The following MMS22L variants were observed in gnomAD, a reference collection of about 807,000 sequenced individuals.
MMS22L encodes protein MMS22-like.
A neutral mutation model predicts 159.1 loss-of-function variants in MMS22L; 74 were observed. The observed-to-expected ratio is 0.47, with a 90% CI of 0.39 to 0.56. The LOEUF (loss-of-function observed/expected upper bound fraction) is 0.56. Ranked by LOEUF, MMS22L falls within the 20% of genes least tolerant of loss-of-function variation. The pLI is 0.00. For synonymous variants in MMS22L, 517 were observed against 506.9 expected (o/e 1.02, Z -0.27); for missense variants, 1,351 against 1,422.1 (o/e 0.95, Z 0.80).
At chr6:97,214,457 A>T (rs913405199) in intron 14 of MMS22L, among the ~76,000 whole-genome samples, 1 of 152,180 alleles carries the variant, frequency 6.6e-6, no homozygotes, top group African/African-American at 2.4e-5. Context: ...TTTTGGTTTT[A>T]AAAAAGTATA....
At chr6:97,272,493 G>T in intron 6 of MMS22L, 1 of 467,078 alleles carries the variant, frequency 2.1e-6, no homozygotes, top group East Asian at 3.3e-5. Flanking sequence ...AATGATTCTG[G>T]TAAGTTGTAA....
intron 14 of MMS22L, among the ~76,000 whole-genome samples, chr6:97,209,799 A>C (rs72934657): frequency 3.2e-4 from 48 of 152,120 alleles, no homozygotes; most frequent in South Asian, 2.5e-3. Flanking sequence ...GATGCTTAAG[A>C]AAAGTCTTTC....
chr6:97,270,999 A>C (rs1815677074), intron 6 of MMS22L: 3 of 152,138 alleles, frequency 2.0e-5, no homozygotes, highest in Middle Eastern at 3.2e-3. Flanking sequence ...AAGTCAGCTT[A>C]CTTGATGAAA....
At chr6:97,155,544 A>G (rs1269669498) in intron 22 of MMS22L, among the ~76,000 whole-genome samples, 1 of 152,002 alleles carries the variant, frequency 6.6e-6, no homozygotes, top group Non-Finnish European at 1.5e-5. Context: ...ACTCCCACTT[A>G]TAAGTGAGAA....
intron 11 of MMS22L, among the ~76,000 whole-genome samples, chr6:97,234,467 G>C (rs926075406): frequency 1.2e-4 from 18 of 152,076 alleles, no homozygotes; most frequent in African/African-American, 4.3e-4. Flanking sequence ...ATAACAGGAG[G>C]AAAAGGAAGT....
chr6:97,216,001 C>T (rs565282356), intron 14 of MMS22L, among the ~76,000 whole-genome samples: 1 of 152,216 alleles, frequency 6.6e-6, no homozygotes, highest in South Asian at 2.1e-4. Flanking sequence ...TTAAGAGTTT[C>T]AAATGCTAGT....
In MMS22L at chr6:97,191,118, C is replaced by G. The variant is rs139722787; in HGVS notation, c.2040-4428G>C. ...TGCTTTGATTTCATGTTTACTTATC[C>G]ATTTTGCCCCCACCTCTCTACTCCC... On this transcript the variant is annotated intron_variant, in intron 14 of 24. Transcript: ENST00000683635. Among the ~76,000 whole-genome samples the G allele has an allele frequency of 4.5e-3, 678 of 152,168 alleles. 4 individuals are homozygous for G. The highest frequency in any genetic ancestry group is 0.015 in the African/African-American group (631 of 41,516).
At position 97,143,819 on chromosome 6, in the gene MMS22L, G is replaced by A. The variant is rs1470635802; in HGVS notation, c.*2987C>T. ...GTTTAGAGATGAATTAGCACTAGGTGGCTCATCACGCCTGTAATCCCAGCA... is the reference window on the plus strand; with the variant it reads ...GTTTAGAGATGAATTAGCACTAGGTAGCTCATCACGCCTGTAATCCCAGCA... On this transcript the variant is annotated 3_prime_UTR_variant, in exon 25 of 25. Coordinates refer to ENST00000683635, the MANE Select transcript of MMS22L (RefSeq NM_001350599.2). 3 of 152,200 alleles carry A rather than the reference G, an allele frequency of 2.0e-5. No homozygotes were observed. The highest frequency in any genetic ancestry group is 3.9e-4 in the East Asian group (2 of 5,186). The allele number at this position is 152,200 out of a possible 1,614,324, so 9.4% of individuals were successfully genotyped here.
At chr6:97,181,810 G>T (rs1367427202) in intron 16 of MMS22L, 94 bp downstream of exon 16, 20 of 1,337,330 alleles carry the variant, frequency 1.5e-5, no homozygotes, top group Non-Finnish European at 2.0e-5. Context: ...ATGTAGTAGA[G>T]ATCAGTCCTC....
At chr6:97,153,706 A>T (rs1206134) in intron 22 of MMS22L, among the ~76,000 whole-genome samples, 84,433 of 151,884 alleles carry the variant, frequency 0.56, 24,561 homozygotes, top group African/African-American at 0.73. Flanking sequence ...GGATATTTCA[A>T]ATAAATGAAA....
intron 14 of MMS22L, among the ~76,000 whole-genome samples, chr6:97,191,545 G>A (rs1009131279): frequency 6.7e-6 from 1 of 149,978 alleles, no homozygotes; most frequent in African/African-American, 2.5e-5. Flanking sequence ...AGCAATAATT[G>A]AATTCTTTTA....
Position 97,179,501 on chromosome 6 carries a change from T to C in MMS22L, c.2443A>G (p.Arg815Gly), listed in dbSNP as rs748253172. 2.7e-5 allele frequency: 43 copies of C among 1,613,460 alleles called. No individual in the cohort carries two copies. The highest frequency in any genetic ancestry group is 3.6e-5 in the Non-Finnish European group (43 of 1,179,670). ...GYVSFQALTV[R>G]SWIRCVLQMY... ...TGCAAAACACAACGAATCCATGATC[T>C]TACGGTTAAGGCTTGAAAAGATACA... is the stretch of plus-strand genomic sequence containing the variant. Residue 815 changes from arginine to glycine, a missense_variant, in exon 17 of 25, where the codon AGA becomes GGA. By Grantham distance (125) the Arg-to-Gly change is moderately radical (BLOSUM62 -2). Coordinates refer to ENST00000683635, the MANE Select transcript of MMS22L (RefSeq NM_001350599.2).
rs117331973 is a variant in MMS22L at position 97,211,442 on chromosome 6, C to T, written c.2039+17452G>A. ...TATAGGCTTTTCAAAGCAAACATAT[C>T]AAAAGATTTCTTCTTCTTGACTTAA... On this transcript the variant is annotated intron_variant, in intron 14 of 24. Transcript: ENST00000683635. Among the ~76,000 whole-genome samples, 633 of 152,132 alleles carry T rather than the reference C, an allele frequency of 4.2e-3. 5 individuals are homozygous for T. Among genetic ancestry groups the T allele is most frequent in the Non-Finnish European group, 7.4e-3 (505 of 67,910 alleles).
At chr6:97,196,538 C>A (rs188594864) in intron 14 of MMS22L, among the ~76,000 whole-genome samples, 1 of 152,098 alleles carries the variant, frequency 6.6e-6, no homozygotes, top group African/African-American at 2.4e-5. Flanking sequence ...TGATAAGGAA[C>A]AGGTCATAGA....
At chr6:97,238,505 G>C (rs1236660922) in intron 11 of MMS22L, among the ~76,000 whole-genome samples, 2 of 151,566 alleles carry the variant, frequency 1.3e-5, no homozygotes, top group Non-Finnish European at 2.9e-5. Context: ...AACCTGACTG[G>C]CTCAAGGAGT....
At chr6:97,255,420 G>A (rs1813694690) in intron 9 of MMS22L, among the ~76,000 whole-genome samples, 1 of 151,952 alleles carries the variant, frequency 6.6e-6, no homozygotes, top group Non-Finnish European at 1.5e-5. Context: ...CCAATTTTAG[G>A]TATCAATTTG....
rs1041852669 is a variant in MMS22L, at chr6:97,180,096, G to GT, written c.2385-538dup. On this transcript the variant is annotated intron_variant, in intron 16 of 24. Coordinates refer to ENST00000683635, the MANE Select transcript of MMS22L (RefSeq NM_001350599.2). ...GAAGACAATGGGCTGGCTAAACTTGGTTTTTTTTTTCTCTTTTTTTTTTGA... is the reference window on the plus strand; with the variant it reads ...GAAGACAATGGGCTGGCTAAACTTGGTTTTTTTTTTTCTCTTTTTTTTTTGA... Among the ~76,000 whole-genome samples the GT allele has an allele frequency of 2.3e-3, 345 of 148,944 alleles. 1 individual carries two copies. The highest frequency in any genetic ancestry group is 2.2e-3 in the Non-Finnish European group (144 of 66,884).
At chr6:97,164,502 G>A (rs1460276306) in intron 21 of MMS22L, among the ~76,000 whole-genome samples, 1 of 149,886 alleles carries the variant, frequency 6.7e-6, no homozygotes, top group South Asian at 2.1e-4. Flanking sequence ...AAGAAGTTTT[G>A]TTTTTCATTT....
At chr6:97,164,056 T>C (rs1022014164) in intron 21 of MMS22L, among the ~76,000 whole-genome samples, 3 of 151,862 alleles carry the variant, frequency 2.0e-5, no homozygotes, top group African/African-American at 4.8e-5. Context: ...CTGGGGGCAT[T>C]GTTTAGGGTG....
Sources: allele counts gnomAD v4.1 joint callset (sites outside exome capture counted in the v4.1 genomes callset), GRCh38; gene constraint gnomAD v4.1.1; transcripts MANE v1.5; gene names NCBI Gene and HGNC (gene_info 2026-07-23, HGNC 2026-07-21).